ABCC5: variants seen among roughly 807,000 people sequenced by gnomAD.
The protein encoded by ABCC5 is ATP binding cassette subfamily C member 5.
ABCC5 carries 61 observed loss-of-function variants against 160.9 expected under a neutral mutation model. That is an observed-to-expected ratio of 0.38 (90% CI 0.31 to 0.47). The LOEUF (loss-of-function observed/expected upper bound fraction) is 0.47. Among genes scored for constraint, ABCC5 ranks in the 20% least tolerant of loss-of-function variants. ABCC5 has a pLI of 0.99. For missense variants in ABCC5, 1,308 were observed against 1,813.3 expected, an observed-to-expected ratio of 0.72 and a Z score of 5.06; for synonymous variants, 666 against 700.6, an observed-to-expected ratio of 0.95 and a Z score of 0.78.
chr3:183,947,074 C>T (rs868146641), intron 23 of ABCC5, among the ~76,000 whole-genome samples: 19 of 152,210 alleles, frequency 1.2e-4, no homozygotes, highest in Admixed American at 3.9e-4. Flanking sequence ...AAGAAAACAG[C>T]ATCTACTTCT....
At chr3:184,004,932 C>G (rs1331813242) in intron 2 of ABCC5, among the ~76,000 whole-genome samples, 3 of 152,196 alleles carry the variant, frequency 2.0e-5, no homozygotes, top group Non-Finnish European at 2.9e-5. Context: ...ACATACAAAT[C>G]CTTTTTAGCG....
chr3:183,938,051 G>A lies in ABCC5; in HGVS notation c.3704C>T (p.Ser1235Leu), dbSNP rs749046370. The A allele has an allele frequency of 5.6e-6, 9 of 1,614,064 alleles. No homozygotes were observed. Among genetic ancestry groups the A allele is most frequent in the South Asian group, 2.2e-5 (2 of 91,072 alleles). Reference protein sequence around the residue: ...IVGRTGSGKSSLGMALFRLVE... With the variant: ...IVGRTGSGKSLLGMALFRLVE... ...CAGACGGAAGAGGGCCATCCCCAGC[G>A]AGGACTTCCCTGATGAGTCAGAAGA... is the stretch of plus-strand genomic sequence containing the variant. The change falls in exon 26 of 30, where the codon TCG (serine) becomes TTG (leucine). Residue 1235 changes from serine (S) to leucine (L), a missense_variant. Physicochemically the swap from Ser to Leu is moderately radical, Grantham distance 145 (BLOSUM62 -2). Transcript: ENST00000334444.
Position 183,989,227 on chromosome 3 carries a change from T to G in ABCC5, c.286A>C (p.Lys96Gln). 1 of 1,607,492 alleles carries G rather than the reference T, an allele frequency of 6.2e-7. No homozygotes were observed. Among genetic ancestry groups the G allele is most frequent in the Non-Finnish European group, 8.5e-7 (1 of 1,176,712 alleles). The change falls in exon 3 of 30, where the codon AAA becomes CAA. Residue 96 changes from lysine to glutamine, a missense_variant and splice_region_variant. By Grantham distance (53) the Lys-to-Gln change is moderately conservative. This residue lies in a region of ABCC5 where 1,142 missense variants were observed against 1,527.1 expected (regional missense o/e 0.75). Coordinates refer to ENST00000334444, the MANE Select transcript of ABCC5 (RefSeq NM_005688.4). ...SALKPIRTTS[K>Q]HQHPVDNAGL... ...TCATCACTCAGCACGGCATCTTACT[T>G]GGAAGTAGTCCGGATGGGCTTCAGA...
At chr3:183,937,835 T>C (rs1713894347) in intron 26 of ABCC5, 66 bp downstream of exon 26, 2 of 1,564,802 alleles carry the variant, frequency 1.3e-6, no homozygotes, top group South Asian at 2.3e-5. Flanking sequence ...GCTAGCATCA[T>C]GTGGTCCCAC....
rs145245449 is a variant in ABCC5 at position 183,964,737 on chromosome 3, C to A, written c.2031+448G>T. ...TAACACTGAAGAGCACAAATTAGTTCCAAAGACAAGCCTCTGGAAACTGCT... is the reference window on the plus strand; with the variant it reads ...TAACACTGAAGAGCACAAATTAGTTACAAAGACAAGCCTCTGGAAACTGCT... On this transcript the variant is annotated intron_variant, in intron 14 of 29. Transcript: ENST00000334444. 3.8e-3 allele frequency among the ~76,000 whole-genome samples: 574 copies of A among 152,270 alleles called. 2 individuals are homozygous for A. The highest frequency in any genetic ancestry group is 0.013 in the African/African-American group (527 of 41,554).
intron 9 of ABCC5, 57 bp from the exon 10 acceptor site, chr3:183,977,681 C>A: frequency 8.1e-7 from 1 of 1,236,048 alleles, no homozygotes; most frequent in Non-Finnish European, 1.2e-6. Context: ...ACTGAAGTAA[C>A]CTGACACCAT....
chr3:183,980,449 G>T (rs1333241807), intron 8 of ABCC5, among the ~76,000 whole-genome samples: 1 of 152,164 alleles, frequency 6.6e-6, no homozygotes. Flanking sequence ...GAGCCAGAAG[G>T]GACCAGTGGC....
intron 8 of ABCC5, among the ~76,000 whole-genome samples, chr3:183,979,237 T>C (rs1718486981): frequency 6.6e-6 from 1 of 151,578 alleles, no homozygotes; most frequent in South Asian, 2.1e-4. Context: ...CCCAGCTACT[T>C]GGGAGGCTGA....
chr3:183,972,704 G>C (rs566765030), intron 10 of ABCC5, among the ~76,000 whole-genome samples: 1 of 152,296 alleles, frequency 6.6e-6, no homozygotes, highest in East Asian at 1.9e-4. Flanking sequence ...GAGTGCAGTG[G>C]CACGATCTCG....
Position 183,949,695 on chromosome 3 carries a change from T to C in ABCC5, c.3227+58A>G. The C allele has an allele frequency of 6.3e-7, 1 of 1,596,032 alleles. No homozygotes were observed. Among genetic ancestry groups the C allele is most frequent in the Non-Finnish European group, 8.5e-7 (1 of 1,170,518 alleles). ...GGCCTTGAAGAGCCTCCCGGACAAG[T>C]ATCAAACGCTGGGATGCTGACTCCC... is the stretch of plus-strand genomic sequence containing the variant. On this transcript the variant is annotated intron_variant, in intron 22 of 29. Coordinates refer to ENST00000334444, the MANE Select transcript of ABCC5 (RefSeq NM_005688.4). This position sits in a 1 kb window ranked among gnomAD's most constrained non-coding sequence, Gnocchi z 4.2.
chr3:183,946,673 T>A (rs947949352), intron 23 of ABCC5, among the ~76,000 whole-genome samples: 3 of 151,978 alleles, frequency 2.0e-5, no homozygotes, highest in Non-Finnish European at 4.4e-5. Flanking sequence ...CCACCCCCCA[T>A]ATTATTTGGA....
chr3:183,920,428 T>C lies in ABCC5; in HGVS notation c.*872A>G, dbSNP rs1256355708. 6.6e-6 allele frequency: 1 copy of C among 152,530 alleles called. No individual in the cohort carries two copies. The highest frequency in any genetic ancestry group is 2.1e-4 in the South Asian group (1 of 4,826). 9.4% of individuals were successfully genotyped at this position (152,530 alleles called of 1,614,324 possible). On this transcript the variant is annotated 3_prime_UTR_variant, in exon 30 of 30. Coordinates refer to ENST00000334444, the MANE Select transcript of ABCC5 (RefSeq NM_005688.4). This position sits in a 1 kb window ranked among gnomAD's most constrained non-coding sequence, Gnocchi z 4.1. ...CTTGGAGCTGGAGAGCTCTGTGCAG[T>C]GGCCAGCCATAGGAACCTGAGGCAG...
At chr3:184,007,741 C>T (rs1046948191) in intron 2 of ABCC5, among the ~76,000 whole-genome samples, 17 of 152,108 alleles carry the variant, frequency 1.1e-4, no homozygotes, top group African/African-American at 3.9e-4. Context: ...AGAGGAGAAT[C>T]GCTTGAACTT....
chr3:183,971,145 T>C (rs1318912351), intron 11 of ABCC5, among the ~76,000 whole-genome samples: 1 of 152,176 alleles, frequency 6.6e-6, no homozygotes, highest in Non-Finnish European at 1.5e-5. Context: ...TAAGAATAAA[T>C]CATTACAACA....
intron 11 of ABCC5, among the ~76,000 whole-genome samples, chr3:183,970,046 C>A (rs986414669): frequency 6.6e-6 from 1 of 152,212 alleles, no homozygotes; most frequent in Non-Finnish European, 1.5e-5. Context: ...TTCCTTGTCT[C>A]CCCTGCAGCA....
In ABCC5 at chr3:183,949,142, CT is replaced by C. The variant is rs1374463982; in HGVS notation, c.3227+610del. 6.6e-6 allele frequency among the ~76,000 whole-genome samples: 1 copy of C among 152,178 alleles called. No individual in the cohort carries two copies. The highest frequency in any genetic ancestry group is 2.4e-5 in the African/African-American group (1 of 41,432). ...TCAGTACCTATAGAGCTCCCTCATT[CT>C]TTTTAAGGGCCACATAGTACTCTAT... On this transcript the variant is annotated intron_variant, in intron 22 of 29. Transcript: ENST00000334444. The surrounding 1 kb of genome is among the most constrained non-coding windows in gnomAD (Gnocchi z 4.2).
intron 27 of ABCC5, 72 bp from the exon 28 acceptor site, chr3:183,927,515 A>G (rs1712702417): frequency 6.5e-7 from 1 of 1,534,810 alleles, no homozygotes; most frequent in South Asian, 1.2e-5. Context: ...CAAGGACAGA[A>G]AGAAATGATT....
At chr3:183,925,795 T>C in intron 28 of ABCC5, 76 bp from the exon 29 acceptor site, 2 of 1,443,792 alleles carry the variant, frequency 1.4e-6, no homozygotes, top group East Asian at 2.3e-5. Flanking sequence ...TTTACTAAAA[T>C]GTATTTCATT....
chr3:183,973,183 T>C (rs896756882), intron 10 of ABCC5, among the ~76,000 whole-genome samples: 4 of 151,330 alleles, frequency 2.6e-5, no homozygotes, highest in Non-Finnish European at 4.4e-5. Flanking sequence ...GCTTCCCGAG[T>C]AGCTGGGACT....
Sources: allele counts gnomAD v4.1 joint callset (sites outside exome capture counted in the v4.1 genomes callset), GRCh38; gene constraint gnomAD v4.1.1; regional missense constraint gnomAD v4.1.1; non-coding constraint Gnocchi (gnomAD v3.1); transcripts MANE v1.5; gene names NCBI Gene and HGNC (gene_info 2026-07-23, HGNC 2026-07-21).